PHLDB1: variants seen among roughly 807,000 people sequenced by gnomAD.
The protein encoded by PHLDB1 is pleckstrin homology like domain family B member 1, also known as pleckstrin homology-like domain family B member 1.
Under a neutral mutation model 139.3 loss-of-function variants are expected in PHLDB1, and 65 were observed. The observed-to-expected ratio is 0.47, with a 90% confidence interval of 0.38 to 0.57. The LOEUF is 0.57. Among genes scored for constraint, PHLDB1 ranks in the 20% least tolerant of loss-of-function variants. The probability of loss-of-function intolerance (pLI) is 0.00; values close to 1 mark genes in which losing one functional copy is unlikely to be tolerated. For missense variants in PHLDB1, 1,624 were observed against 1,839.7 expected (o/e 0.88, Z 2.14); for synonymous variants, 679 against 734.5 (o/e 0.92, Z 1.22).
rs565300067 is a variant in PHLDB1 at position 118,639,789 on chromosome 11, A to C, written c.2736+538A>C. On this transcript the variant is annotated intron_variant, in intron 12 of 22. Coordinates refer to ENST00000600882, the MANE Select transcript of PHLDB1 (RefSeq NM_001144758.3). ...TCCCTCCCTGCCTCACTACACAAAC[A>C]ATTTAGGCCTGCGGTGGGGAACTGG... The C allele has an allele frequency of 4.0e-4, 340 of 848,606 alleles. No homozygotes were observed. In the African/African-American group the frequency reaches 5.8e-3, roughly 15 times the overall value. 52.6% of individuals were successfully genotyped at this position (848,606 alleles called of 1,614,324 possible). A position where few individuals can be genotyped will look rare whatever the true frequency, so the allele number is the denominator to read the frequency against.
chr11:118,618,725 T>G (rs1157498631), intron 4 of PHLDB1, among the ~76,000 whole-genome samples: 7 of 151,888 alleles, frequency 4.6e-5, no homozygotes, highest in Admixed American at 3.9e-4. Context: ...TCCCCTAATC[T>G]GGCCTTGTAG....
chr11:118,648,090 G>A lies in PHLDB1; in HGVS notation c.3654+14G>A, dbSNP rs61902660. The A allele has an allele frequency of 2.5e-6, 4 of 1,611,992 alleles. No homozygotes were observed. The East Asian group carries it at 8.9e-5, about 36-fold the overall frequency. On this transcript the variant is annotated intron_variant, in intron 18 of 22. Transcript: ENST00000600882. ...CAATTTTCCCAGGTGAATGGGCAGT[G>A]GGGCACAGTGGTGGTTGGTTTGACG...
intron 4 of PHLDB1, among the ~76,000 whole-genome samples, chr11:118,616,442 C>T (rs1298783567): frequency 6.6e-6 from 1 of 152,140 alleles, no homozygotes; most frequent in Non-Finnish European, 1.5e-5. Flanking sequence ...CCTGTCTCCA[C>T]ATACTATGGG....
chr11:118,637,886 G>C (rs1744279937), intron 10 of PHLDB1: 1 of 152,136 alleles, frequency 6.6e-6, no homozygotes, highest in African/African-American at 2.4e-5. Flanking sequence ...AGCCCTATTG[G>C]GGGTATAAAG....
intron 5 of PHLDB1, 111 bp from the exon 6 acceptor site, chr11:118,627,191 GCTT>G: frequency 9.5e-7 from 1 of 1,049,810 alleles, no homozygotes; most frequent in Non-Finnish European, 1.4e-6. Flanking sequence ...ACATCTCCTG[GCTT>G]CTTCTCCAGA....
At chr11:118,634,890 C>T (rs957548910) in intron 9 of PHLDB1, 3 of 424,600 alleles carry the variant, frequency 7.1e-6, no homozygotes, top group Non-Finnish European at 1.4e-5. Context: ...CTCCCCTGTG[C>T]CCCGCCCTCT....
At chr11:118,641,503 G>A in intron 12 of PHLDB1, 1 of 551,056 alleles carries the variant, frequency 1.8e-6, no homozygotes, top group East Asian at 9.6e-5. Flanking sequence ...CTAGGCTGCA[G>A]GCTCTGTACT....
chr11:118,649,487 C>T (rs771907742), intron 18 of PHLDB1, among the ~76,000 whole-genome samples: 6 of 151,814 alleles, frequency 4.0e-5, no homozygotes, highest in Admixed American at 6.6e-5. Context: ...TCTGTGGGGT[C>T]GTGTGTTTTG....
In PHLDB1 at chr11:118,607,681, G is replaced by GCCCCCCC. The variant is rs147562993; in HGVS notation, c.-36_-30dup. 1.1e-4 allele frequency: 15 copies of GCCCCCCC among 136,872 alleles called. No individual in the cohort carries two copies. Among genetic ancestry groups the GCCCCCCC allele is most frequent in the Non-Finnish European group, 1.5e-4 (10 of 64,726 alleles). 8.5% of individuals were successfully genotyped at this position (136,872 alleles called of 1,614,324 possible). Reference sequence around the variant, plus strand: ...CAGGCTAAGGGACCAGTGTCTCCCTGCCCCCCCCCCACCTCTAGGTAAGAG... The same window carrying GCCCCCCC: ...CAGGCTAAGGGACCAGTGTCTCCCTGCCCCCCCCCCCCCCCCCACCTCTAGGTAAGAG... On this transcript the variant is annotated 5_prime_UTR_variant, in exon 1 of 23. Coordinates refer to ENST00000600882, the MANE Select transcript of PHLDB1 (RefSeq NM_001144758.3).
chr11:118,613,961 C>T (rs1204962371), intron 2 of PHLDB1, 65 bp downstream of exon 2: 2 of 1,011,244 alleles, frequency 2.0e-6, no homozygotes, highest in South Asian at 1.4e-5. Context: ...TCTTCTACCC[C>T]CTTGTGGTCC....
At chr11:118,626,263 T>C (rs1423988698) in intron 5 of PHLDB1, among the ~76,000 whole-genome samples, 2 of 151,896 alleles carry the variant, frequency 1.3e-5, no homozygotes, top group African/African-American at 4.8e-5. Flanking sequence ...TTTTTACCCC[T>C]GGGCCTCTGG....
At chr11:118,656,456 T>C (rs1949082657) in intron 22 of PHLDB1, among the ~76,000 whole-genome samples, 1 of 152,156 alleles carries the variant, frequency 6.6e-6, no homozygotes, top group African/African-American at 2.4e-5. Flanking sequence ...TATAGCTCTG[T>C]CAGGGTCCAG....
intron 1 of PHLDB1, chr11:118,613,424 G>A: frequency 2.0e-6 from 2 of 992,670 alleles, no homozygotes; most frequent in Non-Finnish European, 2.4e-6. Context: ...TCCTTGGAGG[G>A]GCTTCCTTGC....
intron 15 of PHLDB1, chr11:118,644,667 C>T (rs782008245): frequency 1.6e-6 from 2 of 1,289,694 alleles, no homozygotes; most frequent in South Asian, 2.5e-5. Flanking sequence ...TCCCGCCGAG[C>T]CCCTCCCAAC....
intron 1 of PHLDB1, among the ~76,000 whole-genome samples, chr11:118,612,094 A>C (rs1940539309): frequency 8.0e-6 from 1 of 124,570 alleles, no homozygotes; most frequent in Admixed American, 1.0e-4. Context: ...TTTTACAGTC[A>C]CTCCTCATTC....
intron 18 of PHLDB1, 144 bp downstream of exon 18, chr11:118,648,220 C>G: frequency 1.2e-6 from 1 of 823,716 alleles, no homozygotes; most frequent in Admixed American, 2.6e-5. Context: ...TAGCAGAATT[C>G]TACCTGGGAC....
chr11:118,634,956 C>G (rs1199043248), intron 9 of PHLDB1: 1 of 457,700 alleles, frequency 2.2e-6, no homozygotes, highest in East Asian at 6.9e-5. Context: ...ACGGAGGCAC[C>G]TGGAGGCCCG....
intron 1 of PHLDB1, chr11:118,613,356 A>C (rs1310985475): frequency 2.0e-6 from 2 of 987,148 alleles, no homozygotes; most frequent in African/African-American, 3.5e-5. Context: ...GAAAGGTTGC[A>C]GGAGGGAGCT....
chr11:118,616,325 T>C (rs1368485237), intron 4 of PHLDB1, 114 bp downstream of exon 4: 2 of 889,648 alleles, frequency 2.2e-6, no homozygotes, highest in Non-Finnish European at 3.5e-6. Flanking sequence ...GTGACCATAC[T>C]GGGAATGGAG....
Sources: gnomAD v4.1 joint callset for allele counts (sites outside exome capture counted in the v4.1 genomes callset) on GRCh38, gnomAD v4.1.1 for gene constraint, MANE v1.5 for transcripts, NCBI Gene and HGNC (gene_info 2026-07-23, HGNC 2026-07-21) for gene names.